The following RYR3 variants were observed in gnomAD, a reference collection of about 807,000 sequenced individuals.
RYR3 encodes the protein ryanodine receptor 3, also known as brain ryanodine receptor-calcium release channel.
RYR3 carries 207 observed loss-of-function variants against 584.3 expected under a neutral mutation model. That is an observed-to-expected ratio of 0.35 (90% CI 0.32 to 0.40). The LOEUF (loss-of-function observed/expected upper bound fraction) is 0.40, where lower values mean the gene tolerates loss of function less well. RYR3 is among the 10% of genes least tolerant of loss of function. The pLI is 1.00. For missense variants in RYR3, 5,616 were observed against 6,089.2 expected (o/e 0.92, Z 2.59); for synonymous variants, 2,416 against 2,248.5 (o/e 1.07, Z -2.11).
Position 33,623,880 on chromosome 15 carries a change from G to A in RYR3, c.2431G>A (p.Glu811Lys). ...TCCCTCTGGCTATGCCCCTTGCTATGAAGCCTTACTTCCAAAAGAGAAGAT... is the reference window on the plus strand; with the variant it reads ...TCCCTCTGGCTATGCCCCTTGCTATAAAGCCTTACTTCCAAAAGAGAAGAT... ...LPPSGYAPCY[E>K]ALLPKEKMRL... is the part of the protein sequence containing the mutation. Residue 811 changes from glutamate (E) to lysine (K), a missense_variant, in exon 20 of 104, where the codon GAA (glutamate) becomes AAA (lysine). By Grantham distance (56) the Glu-to-Lys change is moderately conservative. This residue lies in a region of RYR3 where 1,284 missense variants were observed against 1,344.6 expected (regional missense o/e 0.95). Coordinates refer to ENST00000634891, the MANE Select transcript of RYR3 (RefSeq NM_001036.6). 2 of 1,613,894 alleles carry A rather than the reference G, an allele frequency of 1.2e-6. No individual in the cohort carries two copies. Among genetic ancestry groups the A allele is most frequent in the Non-Finnish European group, 1.7e-6 (2 of 1,179,832 alleles).
intron 16 of RYR3, among the ~76,000 whole-genome samples, chr15:33,590,761 A>G (rs8033043): frequency 0.17 from 25,675 of 151,726 alleles, 3,021 homozygotes; most frequent in East Asian, 0.64. Context: ...AGCCTTCAGG[A>G]TATGACATTT....
At chr15:33,355,433 G>A (rs1973839278) in intron 1 of RYR3, among the ~76,000 whole-genome samples, 2 of 152,160 alleles carry the variant, frequency 1.3e-5, no homozygotes, top group Admixed American at 1.3e-4. Context: ...GCAACCCTAT[G>A]AGATGTATGT....
At chr15:33,539,828 G>C (rs758079047) in intron 6 of RYR3, among the ~76,000 whole-genome samples, 1 of 152,098 alleles carries the variant, frequency 6.6e-6, no homozygotes, top group Non-Finnish European at 1.5e-5. Context: ...GGAAGAGAAA[G>C]TATATATACT....
chr15:33,464,489 T>TATATATACACAC (rs1450450145), intron 1 of RYR3, among the ~76,000 whole-genome samples: 17 of 67,436 alleles, frequency 2.5e-4, no homozygotes, highest in African/African-American at 1.4e-3. Context: ...TATATATATA[T>TATATATACACAC]ACACATATAT....
chr15:33,558,698 T>C (rs1306897540), intron 10 of RYR3, among the ~76,000 whole-genome samples: 1 of 152,194 alleles, frequency 6.6e-6, no homozygotes, highest in Non-Finnish European at 1.5e-5. Flanking sequence ...GCATTTTCAA[T>C]CTGGCAGGGG....
chr15:33,471,848 C>T (rs1004309180), intron 1 of RYR3, among the ~76,000 whole-genome samples: 4 of 152,118 alleles, frequency 2.6e-5, no homozygotes, highest in African/African-American at 9.7e-5. Flanking sequence ...ACACAAACAG[C>T]ACATCTCAGT....
chr15:33,745,515 C>T (rs1451716326), intron 52 of RYR3, among the ~76,000 whole-genome samples: 1 of 152,174 alleles, frequency 6.6e-6, no homozygotes, highest in Non-Finnish European at 1.5e-5. Context: ...TCTTACTTAT[C>T]TCTGTATCCA....
chr15:33,634,833 A>G (rs1038573415), intron 25 of RYR3, 100 bp downstream of exon 25: 37 of 1,000,920 alleles, frequency 3.7e-5, no homozygotes, highest in African/African-American at 4.8e-5. Context: ...ACTATTGGAA[A>G]TAGTATTGGG....
chr15:33,861,859 AGGTGATCTGCCTGCCTCG>A lies in RYR3; in HGVS notation c.14465+683_14465+700del, dbSNP rs539766492. The stretch of plus-strand genomic sequence containing the variant: ...AGGCTGGTCTTGAACTCCTGACCTC[AGGTGATCTGCCTGCCTCG>A]GCCTCTCAGTGCTAGGATTACAGGT... On this transcript the variant is annotated intron_variant, in intron 102 of 103. Transcript: ENST00000634891. Among the ~76,000 whole-genome samples, 5 of 152,186 alleles carry A rather than the reference AGGTGATCTGCCTGCCTCG, an allele frequency of 3.3e-5. No homozygotes were observed. The South Asian group carries it at 1.0e-3, about 32-fold the overall frequency.
chr15:33,546,440 T>G (rs2056243325), intron 8 of RYR3, among the ~76,000 whole-genome samples: 1 of 152,162 alleles, frequency 6.6e-6, no homozygotes, highest in Non-Finnish European at 1.5e-5. Context: ...TCAGATTTTC[T>G]TCCTAATATT....
At chr15:33,444,448 A>T (rs1460524994) in intron 1 of RYR3, among the ~76,000 whole-genome samples, 1 of 152,218 alleles carries the variant, frequency 6.6e-6, no homozygotes, top group Non-Finnish European at 1.5e-5. Context: ...ATGTTTGTTC[A>T]GTGGCTATCG....
chr15:33,735,681 T>C (rs754264691), intron 48 of RYR3, among the ~76,000 whole-genome samples: 6 of 152,260 alleles, frequency 3.9e-5, no homozygotes, highest in Non-Finnish European at 7.3e-5. Context: ...TGATAGATTA[T>C]TCTTTAAATA....
chr15:33,510,854 G>T (rs991412732), intron 3 of RYR3, among the ~76,000 whole-genome samples: 1 of 151,958 alleles, frequency 6.6e-6, no homozygotes, highest in African/African-American at 2.4e-5. Context: ...GTTATGCTAT[G>T]ATTTTAGGAT....
chr15:33,540,148 A>G (rs1222019959), intron 6 of RYR3, among the ~76,000 whole-genome samples: 1 of 152,192 alleles, frequency 6.6e-6, no homozygotes, highest in African/African-American at 2.4e-5. Flanking sequence ...CTATATGCAC[A>G]TTAACTCCCA....
chr15:33,539,518 T>G (rs16971988), intron 6 of RYR3, 56 bp downstream of exon 6: 1 of 1,067,874 alleles, frequency 9.4e-7, no homozygotes. Context: ...CCTTTAGGAA[T>G]AGATGGCCAT....
chr15:33,314,781 G>A (rs372630292), intron 1 of RYR3, among the ~76,000 whole-genome samples: 1 of 152,288 alleles, frequency 6.6e-6, no homozygotes, highest in East Asian at 1.9e-4. Flanking sequence ...GGGCGTGGTG[G>A]TGGGTGCCTG....
At chr15:33,683,994 G>A (rs537027193) in intron 38 of RYR3, among the ~76,000 whole-genome samples, 1 of 152,376 alleles carries the variant, frequency 6.6e-6, no homozygotes, top group East Asian at 1.9e-4. Flanking sequence ...GCTCGAACTG[G>A]GCAGAGCCCA....
intron 1 of RYR3, among the ~76,000 whole-genome samples, chr15:33,365,257 A>C (rs1167316751): frequency 6.6e-6 from 1 of 152,138 alleles, no homozygotes; most frequent in Non-Finnish European, 1.5e-5. Context: ...ACATTTATTA[A>C]TTATGTGGAA....
intron 1 of RYR3, among the ~76,000 whole-genome samples, chr15:33,397,304 A>T (rs1157727908): frequency 6.6e-6 from 1 of 152,220 alleles, no homozygotes; most frequent in African/African-American, 2.4e-5. Flanking sequence ...GGAGCTATGA[A>T]TATTCATAAA....
Sources: allele counts gnomAD v4.1 joint callset (sites outside exome capture counted in the v4.1 genomes callset), GRCh38; gene constraint gnomAD v4.1.1; regional missense constraint gnomAD v4.1.1; transcripts MANE v1.5; gene names NCBI Gene and HGNC (gene_info 2026-07-23, HGNC 2026-07-21).